Variants in MPP2 observed in about 807,000 individuals in gnomAD.
The protein encoded by MPP2 is MAGUK p55 subfamily member 2.
MPP2 carries 42 observed loss-of-function variants against 58.5 expected under a neutral mutation model. The observed-to-expected ratio is 0.72, with a 90% confidence interval of 0.56 to 0.93. The LOEUF is 0.93. Ranked by LOEUF, MPP2 falls within the 40% of genes least tolerant of loss-of-function variation. The pLI is 0.00. For synonymous variants in MPP2, 300 were observed against 307.8 expected, an observed-to-expected ratio of 0.97 and a Z score of 0.26; for missense variants, 632 against 760.4, an observed-to-expected ratio of 0.83 and a Z score of 1.99.
At chr17:43,894,315 G>T (rs1372821324) in intron 3 of MPP2, among the ~76,000 whole-genome samples, 1 of 151,096 alleles carries the variant, frequency 6.6e-6, no homozygotes, top group East Asian at 1.9e-4. Context: ...TACTTGGGAG[G>T]CTAAGGCAGG....
intron 1 of MPP2, chr17:43,907,044 T>C (rs2048320523): frequency 2.5e-6 from 1 of 401,386 alleles, no homozygotes; most frequent in South Asian, 1.0e-4. Flanking sequence ...GTTAGCTGCC[T>C]AGGGGGACCA....
Position 43,881,317 on chromosome 17 carries a change from G to A in MPP2, c.846C>T (p.Leu282=). The A allele has an allele frequency of 6.2e-7, 1 of 1,614,124 alleles. No homozygotes were observed. The highest frequency in any genetic ancestry group is 1.7e-5 in the Admixed American group (1 of 60,024). The change falls in exon 8 of 13, where the codon CTC becomes CTT. Residue 282 remains leucine (L), a synonymous_variant. Coordinates refer to ENST00000269095, the MANE Select transcript of MPP2 (RefSeq NM_005374.5). ...ACHVEGGSAG[L]IPSQLLEEKR... ...TCTCCTCCAGCAGCTGGCTGGGAAT[G>A]AGCCCAGCACTGCCCCCTTCGACAT...
chr17:43,879,719 G>T lies in MPP2; in HGVS notation c.1353+63C>A. The T allele has an allele frequency of 6.4e-7, 1 of 1,566,314 alleles. No homozygotes were observed. Among genetic ancestry groups the T allele is most frequent in the Non-Finnish European group, 8.7e-7 (1 of 1,145,524 alleles). On this transcript the variant is annotated intron_variant, in intron 11 of 12. Coordinates refer to ENST00000269095, the MANE Select transcript of MPP2 (RefSeq NM_005374.5). The surrounding 1 kb of genome is among the most constrained non-coding windows in gnomAD (Gnocchi z 4.1). ...AGGTGACAGGTGTCTGGAACTATAT[G>T]GGGGAGCAATGAGGCAGCAGAGAGG... is the stretch of plus-strand genomic sequence containing the variant.
At chr17:43,881,685 G>A (rs1277153391) in intron 6 of MPP2, 96 bp from the exon 7 acceptor site, 1 of 1,474,074 alleles carries the variant, frequency 6.8e-7, no homozygotes, top group Non-Finnish European at 9.1e-7. Flanking sequence ...AGAGACTAAG[G>A]GGCAATGGAA....
Position 43,878,368 on chromosome 17 carries a change from C to T in MPP2, c.1483-385G>A, listed in dbSNP as rs1253842246. On this transcript the variant is annotated intron_variant, in intron 12 of 12. Coordinates refer to ENST00000269095, the MANE Select transcript of MPP2 (RefSeq NM_005374.5). Reference sequence around the variant, plus strand: ...CCTGACTCTCAAGCCAGTGCTCCCTCAAGTCTGACTAGGCTGCCTTACCTA... The same window carrying T: ...CCTGACTCTCAAGCCAGTGCTCCCTTAAGTCTGACTAGGCTGCCTTACCTA... Among the ~76,000 whole-genome samples, 4 of 152,322 alleles carry T rather than the reference C, an allele frequency of 2.6e-5. No individual in the cohort carries two copies. The East Asian group carries it at 7.7e-4, about 29-fold the overall frequency.
rs748634885 is a variant in MPP2, at chr17:43,882,488, G to T, written c.477C>A (p.Gly159=). 4.4e-6 allele frequency: 7 copies of T among 1,604,790 alleles called. No individual in the cohort carries two copies. The highest frequency in any genetic ancestry group is 5.9e-6 in the Non-Finnish European group (7 of 1,179,892). The change falls in exon 6 of 13, where the codon GGC becomes GGA. Residue 159 remains glycine (G), a synonymous_variant. Transcript: ENST00000269095. The part of the protein sequence containing the change: ...EHLGVTFRVE[G]GELVIARILH... ...GAATGCGCGCGATCACCAGCTCGCC[G>T]CCCTCCACGCGGAACGTTACACCCT...
intron 2 of MPP2, among the ~76,000 whole-genome samples, chr17:43,899,118 G>A (rs1001614482): frequency 6.7e-6 from 1 of 150,350 alleles, no homozygotes; most frequent in Non-Finnish European, 1.5e-5. Context: ...GTAGTGGCAG[G>A]CGCCTGTAAT....
In MPP2 at chr17:43,882,320, G is replaced by C; in HGVS notation, c.645C>G (p.Ile215Met). 6.2e-7 allele frequency: 1 copy of C among 1,612,226 alleles called. No individual in the cohort carries two copies. The highest frequency in any genetic ancestry group is 8.5e-7 in the Non-Finnish European group (1 of 1,179,912). ...GATGGGGCTCCTGGTAGCTGGGCAG[G>C]ATCTTGAGGATGACACTGCCACTGG... ...RNASGSVILKILPSYQEPHLP... is the reference protein window; with the variant it reads ...RNASGSVILKMLPSYQEPHLP... The change falls in exon 6 of 13, where the codon ATC becomes ATG. Residue 215 changes from isoleucine (I) to methionine (M), a missense_variant. Physicochemically the swap from Ile to Met is conservative, Grantham distance 10. Transcript: ENST00000269095.
intron 3 of MPP2, among the ~76,000 whole-genome samples, chr17:43,893,628 C>T (rs1217477759): frequency 6.6e-6 from 1 of 152,198 alleles, no homozygotes; most frequent in East Asian, 1.9e-4. Context: ...TCAGTGGTGG[C>T]ATTAGATTCT....
chr17:43,878,628 G>A (rs2046954309), intron 12 of MPP2, among the ~76,000 whole-genome samples: 1 of 152,232 alleles, frequency 6.6e-6, no homozygotes, highest in Non-Finnish European at 1.5e-5. Context: ...GTCATTGGCA[G>A]AAGGGTGCCA....
Position 43,907,488 on chromosome 17 carries a change from G to T in MPP2, c.-48C>A. On this transcript the variant is annotated 5_prime_UTR_variant, in exon 1 of 13. Transcript: ENST00000269095. Reference sequence around the variant, plus strand: ...GGGACGCCTACCTGCGCCCCGGGAAGCCCCTAGCTCCGGGCGGCTCCAGCG... The same window carrying T: ...GGGACGCCTACCTGCGCCCCGGGAATCCCCTAGCTCCGGGCGGCTCCAGCG... The T allele has an allele frequency of 1.0e-6, 1 of 985,554 alleles. No homozygotes were observed. The highest frequency in any genetic ancestry group is 1.2e-6 in the Non-Finnish European group (1 of 829,990). The allele number at this position is 985,554 out of a possible 1,614,324, so 61.1% of individuals were successfully genotyped here. A position where few individuals can be genotyped will look rare whatever the true frequency, so the allele number is the denominator to read the frequency against.
chr17:43,882,569 AAT>A lies in MPP2; in HGVS notation c.454-60_454-59del. 3.9e-6 allele frequency: 6 copies of A among 1,523,118 alleles called. No individual in the cohort carries two copies. In the South Asian group the frequency reaches 7.1e-5, roughly 18 times the overall value. The allele number at this position is 1,523,118 out of a possible 1,614,324, so 94.4% of individuals were successfully genotyped here. On this transcript the variant is annotated intron_variant, in intron 5 of 12. Coordinates refer to ENST00000269095, the MANE Select transcript of MPP2 (RefSeq NM_005374.5). ...CAATTGCTCCAAGTCAGAATCTTCA[AAT>A]AGTCTCCTAATAGCTCCTCCATTCC...
intron 3 of MPP2, 144 bp from the exon 4 acceptor site, chr17:43,883,499 T>A: frequency 1.3e-6 from 1 of 787,880 alleles, no homozygotes; most frequent in Non-Finnish European, 1.9e-6. Context: ...CTGACAATCA[T>A]ACCCACACGT....
At chr17:43,887,240 T>C (rs775094267) in intron 3 of MPP2, among the ~76,000 whole-genome samples, 3 of 152,052 alleles carry the variant, frequency 2.0e-5, no homozygotes, top group Non-Finnish European at 4.4e-5. Flanking sequence ...TTTTAATGCA[T>C]GGTGGCATGC....
At chr17:43,888,336 A>T (rs1323198379) in intron 3 of MPP2, among the ~76,000 whole-genome samples, 1 of 152,236 alleles carries the variant, frequency 6.6e-6, no homozygotes, top group Non-Finnish European at 1.5e-5. Flanking sequence ...GCAGAGGAGT[A>T]GCATTTGGGG....
At chr17:43,892,961 G>A (rs1366682239) in intron 3 of MPP2, among the ~76,000 whole-genome samples, 1 of 152,080 alleles carries the variant, frequency 6.6e-6, no homozygotes, top group African/African-American at 2.4e-5. Flanking sequence ...CCTGGTATGT[G>A]GCGAGTGCAA....
intron 5 of MPP2, 69 bp from the exon 6 acceptor site, chr17:43,882,580 A>G (rs1048327732): frequency 2.8e-6 from 4 of 1,446,564 alleles, no homozygotes; most frequent in Middle Eastern, 1.8e-4. Flanking sequence ...ATAGTCTCCT[A>G]ATAGCTCCTC....
chr17:43,883,004 G>T lies in MPP2; in HGVS notation c.352C>A (p.Pro118Thr), dbSNP rs1269909357. ...GGGTCCAGGCCAGGGCTGGGGGGTGGTGTCTCATAGGTCTTTGAGGCCACA... is the reference window on the plus strand; with the variant it reads ...GGGTCCAGGCCAGGGCTGGGGGGTGTTGTCTCATAGGTCTTTGAGGCCACA... ...DSVASKTYET[P>T]PPSPGLDPTF... The change falls in exon 5 of 13, where the codon CCA becomes ACA. Residue 118 changes from proline to threonine, a missense_variant. Physicochemically the swap from Pro to Thr is conservative, Grantham distance 38 (BLOSUM62 -1). Transcript: ENST00000269095. 6.2e-7 allele frequency: 1 copy of T among 1,610,204 alleles called. No homozygotes were observed. Among genetic ancestry groups the T allele is most frequent in the Admixed American group, 1.7e-5 (1 of 59,900 alleles).
At chr17:43,894,418 AATATATATATAT>A (rs1382579250) in intron 3 of MPP2, among the ~76,000 whole-genome samples, 1 of 77,396 alleles carries the variant, frequency 1.3e-5, no homozygotes, top group African/African-American at 4.5e-5. Flanking sequence ...TCCATCTCAA[AATATATATATAT>A]ATATATATAT....
Sources: allele counts gnomAD v4.1 joint callset (sites outside exome capture counted in the v4.1 genomes callset), GRCh38; gene constraint gnomAD v4.1.1; non-coding constraint Gnocchi (gnomAD v3.1); transcripts MANE v1.5; gene names NCBI Gene and HGNC (gene_info 2026-07-23, HGNC 2026-07-21).